Variants in QTGAL observed in about 807,000 individuals in gnomAD.
The protein encoded by QTGAL is queuosine-tRNA galactosyltransferase.
chr17:82,956,834 A>T, the QTGAL span: 1 of 1,521,070 alleles, frequency 6.6e-7, no homozygotes, highest in Non-Finnish European at 8.9e-7. The surrounding 1 kb of genome is among the most constrained non-coding windows in gnomAD (Gnocchi z 5.7). Context: ...AGACGCCCTC[A>T]GGGTGCACGC....
At chr17:82,980,285 G>A in the QTGAL span, among the ~76,000 whole-genome samples, 3 of 152,154 alleles carry the variant, frequency 2.0e-5, no homozygotes, top group South Asian at 2.1e-4. Context: ...AAGCCCCCAC[G>A]TAGAAAAGGC....
chr17:82,991,319 A>G, the QTGAL span, among the ~76,000 whole-genome samples: 2 of 152,214 alleles, frequency 1.3e-5, no homozygotes, highest in African/African-American at 4.8e-5. Context: ...GGAAGGACCC[A>G]GTGGGAGATA....
chr17:82,994,401 T>C, the QTGAL span, among the ~76,000 whole-genome samples: 1 of 151,878 alleles, frequency 6.6e-6, no homozygotes. Flanking sequence ...GGGAAAAATT[T>C]AGAAAAATTA....
the QTGAL span, among the ~76,000 whole-genome samples, chr17:82,955,234 G>A: frequency 6.6e-6 from 1 of 152,116 alleles, no homozygotes; most frequent in African/African-American, 2.4e-5. Context: ...ATCTGACAAA[G>A]GTCTAATATA....
At chr17:83,035,008 C>G in the QTGAL span, 1 of 1,533,254 alleles carries the variant, frequency 6.5e-7, no homozygotes, top group Non-Finnish European at 9.0e-7. Context: ...CACATTTATA[C>G]ATTATAAACA....
At chr17:82,957,545 A>G in the QTGAL span, 24 of 1,544,744 alleles carry the variant, frequency 1.6e-5, no homozygotes, top group Admixed American at 1.4e-4. Context: ...ACAGATGCAC[A>G]CAGATGCTGA....
chr17:82,957,331 C>T, the QTGAL span: 6 of 1,613,780 alleles, frequency 3.7e-6, no homozygotes, highest in South Asian at 5.5e-5. Flanking sequence ...GCAGGGCAGG[C>T]AGTGTTGGAG....
At chr17:82,956,658 C>A in the QTGAL span, 84 of 1,517,950 alleles carry the variant, frequency 5.5e-5, no homozygotes, top group African/African-American at 9.5e-4. This position sits in a 1 kb window ranked among gnomAD's most constrained non-coding sequence, Gnocchi z 5.7. Context: ...AGCCCGGGAT[C>A]CCCAAGCCCT....
the QTGAL span, among the ~76,000 whole-genome samples, chr17:83,036,869 T>G: frequency 6.6e-6 from 1 of 152,000 alleles, no homozygotes; most frequent in African/African-American, 2.4e-5. Context: ...CCAGCAGGGG[T>G]AGCCAAGGAA....
At chr17:83,044,392 T>A in the QTGAL span, among the ~76,000 whole-genome samples, 6 of 152,160 alleles carry the variant, frequency 3.9e-5, no homozygotes, top group African/African-American at 1.2e-4. Context: ...AACTATATGA[T>A]CATCTCAAAT....
chr17:82,966,378 T>C, the QTGAL span, among the ~76,000 whole-genome samples: 5 of 152,192 alleles, frequency 3.3e-5, no homozygotes, highest in East Asian at 5.8e-4. Flanking sequence ...AAAATGTATA[T>C]AGAAACACAA....
chr17:82,975,878 C>T, the QTGAL span, among the ~76,000 whole-genome samples: 4 of 48,536 alleles, frequency 8.2e-5, no homozygotes, highest in Non-Finnish European at 1.6e-4. Flanking sequence ...TCCCAGGGGC[C>T]GGAGGCCACT....
the QTGAL span, chr17:83,014,506 A>C: frequency 1.9e-6 from 3 of 1,614,156 alleles, no homozygotes; most frequent in Non-Finnish European, 2.5e-6. Flanking sequence ...CCGCTGGGGC[A>C]TCATGACGTC....
At chr17:82,965,129 G>A in the QTGAL span, among the ~76,000 whole-genome samples, 7 of 142,174 alleles carry the variant, frequency 4.9e-5, no homozygotes, top group South Asian at 1.1e-3. Flanking sequence ...GGGGAGGACG[G>A]GGACACAGAC....
chr17:82,945,135 G>GA, the QTGAL span: 5 of 151,942 alleles, frequency 3.3e-5, no homozygotes, highest in East Asian at 1.9e-4. Context: ...GAAGAGATTA[G>GA]AAAAAAACAG....
At chr17:83,010,384 C>T in the QTGAL span, among the ~76,000 whole-genome samples, 12 of 152,224 alleles carry the variant, frequency 7.9e-5, no homozygotes, top group Non-Finnish European at 1.6e-4. Context: ...TCCCTGCCCC[C>T]GGAGCGAAGA....
the QTGAL span, among the ~76,000 whole-genome samples, chr17:82,997,795 C>T: frequency 8.3e-4 from 126 of 151,968 alleles, no homozygotes; most frequent in African/African-American, 2.9e-3. Flanking sequence ...CACATGTTCT[C>T]GCTTATTTGT....
chr17:82,948,341 G>A, the QTGAL span: 1 of 152,304 alleles, frequency 6.6e-6, no homozygotes, highest in African/African-American at 2.4e-5. Flanking sequence ...CAGAGAAGCT[G>A]AGGATGCAGC....
At chr17:82,958,072 G>A in the QTGAL span, among the ~76,000 whole-genome samples, 1 of 146,984 alleles carries the variant, frequency 6.8e-6, no homozygotes, top group Non-Finnish European at 1.5e-5. Flanking sequence ...TCCCAGCCCC[G>A]CCCTCTCTCC....
Sources: gnomAD v4.1 joint callset for allele counts (sites outside exome capture counted in the v4.1 genomes callset) on GRCh38, gnomAD v4.1.1 for gene constraint, Gnocchi (gnomAD v3.1) non-coding constraint, MANE v1.5 for transcripts, NCBI Gene and HGNC (gene_info 2026-07-23, HGNC 2026-07-21) for gene names.